Variants in LRRIQ3 observed in about 807,000 individuals in gnomAD.
LRRIQ3 encodes leucine rich repeats and IQ motif containing 3.
In LRRIQ3, 75 loss-of-function variants were observed where a neutral mutation model predicts 59.3. The observed-to-expected ratio is 1.26, with a 90% confidence interval of 1.05 to 1.53. The LOEUF is 1.53. Among genes scored for constraint, LRRIQ3 ranks in the 40% most tolerant of loss-of-function variants. The probability of loss-of-function intolerance (pLI) is 0.00; values close to 1 mark genes in which losing one functional copy is unlikely to be tolerated. For missense variants in LRRIQ3, 831 were observed against 710.0 expected, an observed-to-expected ratio of 1.17 and a Z score of -1.94; for synonymous variants, 250 against 231.3, an observed-to-expected ratio of 1.08 and a Z score of -0.73.
chr1:74,147,709 C>T (rs1647667762), intron 4 of LRRIQ3, among the ~76,000 whole-genome samples: 1 of 152,194 alleles, frequency 6.6e-6, no homozygotes, highest in Non-Finnish European at 1.5e-5. Context: ...CTTGCTGTCT[C>T]TATCATTCTC....
intron 3 of LRRIQ3, among the ~76,000 whole-genome samples, chr1:74,175,161 T>C (rs763119271): frequency 6.6e-6 from 1 of 152,302 alleles, no homozygotes; most frequent in East Asian, 1.9e-4. Flanking sequence ...TGAAGTCAGA[T>C]GAGGCCGATG....
intron 1 of LRRIQ3, among the ~76,000 whole-genome samples, chr1:74,196,869 C>T (rs1381690034): frequency 6.6e-6 from 1 of 152,136 alleles, no homozygotes; most frequent in Non-Finnish European, 1.5e-5. Context: ...TTGCCTCATC[C>T]CCCATTATAA....
At chr1:74,122,532 A>T (rs983515636) in intron 4 of LRRIQ3, among the ~76,000 whole-genome samples, 19 of 152,146 alleles carry the variant, frequency 1.2e-4, no homozygotes, top group African/African-American at 4.6e-4. Context: ...CCGCATATCT[A>T]CAATCATCTA....
chr1:74,100,385 C>T (rs1028809195), intron 5 of LRRIQ3, among the ~76,000 whole-genome samples: 2 of 152,104 alleles, frequency 1.3e-5, no homozygotes, highest in African/African-American at 4.8e-5. Context: ...GAACTACAAA[C>T]CACTGCTCAA....
chr1:74,087,554 C>T (rs1434875085), intron 5 of LRRIQ3, among the ~76,000 whole-genome samples: 1 of 151,038 alleles, frequency 6.6e-6, no homozygotes, highest in Non-Finnish European at 1.5e-5. Context: ...CTTTAATTAT[C>T]CCATTGCATG....
chr1:74,037,739 G>A (rs750501668), intron 7 of LRRIQ3, among the ~76,000 whole-genome samples: 42 of 152,168 alleles, frequency 2.8e-4, no homozygotes, highest in Non-Finnish European at 5.1e-4. Flanking sequence ...GTGTGCTGTG[G>A]TGGCCCACCT....
chr1:74,029,170 T>C (rs1341284750), intron 7 of LRRIQ3, among the ~76,000 whole-genome samples: 1 of 152,098 alleles, frequency 6.6e-6, no homozygotes, highest in Non-Finnish European at 1.5e-5. Flanking sequence ...ACAGGGACAA[T>C]TTGACTTCCT....
At chr1:74,160,494 T>A (rs1648597213) in intron 3 of LRRIQ3, among the ~76,000 whole-genome samples, 1 of 152,080 alleles carries the variant, frequency 6.6e-6, no homozygotes, top group Non-Finnish European at 1.5e-5. Context: ...AGATTCATGG[T>A]GTTTTATCCA....
chr1:74,146,586 G>C (rs1273720433), intron 4 of LRRIQ3, among the ~76,000 whole-genome samples: 1 of 152,102 alleles, frequency 6.6e-6, no homozygotes, highest in Admixed American at 6.5e-5. Context: ...ATTTTATTAA[G>C]AAATAATATT....
intron 5 of LRRIQ3, among the ~76,000 whole-genome samples, chr1:74,092,886 T>G (rs983397023): frequency 3.3e-5 from 5 of 151,946 alleles, no homozygotes; most frequent in African/African-American, 1.2e-4. Context: ...GCAGGAAAGA[T>G]GAGATTAAGA....
At chr1:74,085,281 AGTGCATCCTAT>A (rs1357302334) in intron 5 of LRRIQ3, among the ~76,000 whole-genome samples, 1 of 150,176 alleles carries the variant, frequency 6.7e-6, no homozygotes, top group Non-Finnish European at 1.5e-5. Flanking sequence ...ATATTTTTTG[AGTGCATCCTAT>A]GTGCGTATCA....
At chr1:74,093,369 A>T (rs1181732711) in intron 5 of LRRIQ3, among the ~76,000 whole-genome samples, 1 of 152,112 alleles carries the variant, frequency 6.6e-6, no homozygotes, top group African/African-American at 2.4e-5. Flanking sequence ...TACTATTCCT[A>T]TCAGACTGAT....
At chr1:74,036,837 T>C (rs1205759167) in intron 7 of LRRIQ3, among the ~76,000 whole-genome samples, 1 of 152,134 alleles carries the variant, frequency 6.6e-6, no homozygotes, top group East Asian at 1.9e-4. Context: ...CAGAAAAAAA[T>C]GTGCAGGGCA....
chr1:74,110,100 T>C (rs1646674025), intron 4 of LRRIQ3, among the ~76,000 whole-genome samples: 1 of 151,914 alleles, frequency 6.6e-6, no homozygotes, highest in Non-Finnish European at 1.5e-5. Context: ...TTTAATACTA[T>C]GCTTTATTTA....
At chr1:74,130,947 G>T (rs1456129306) in intron 4 of LRRIQ3, among the ~76,000 whole-genome samples, 2 of 152,012 alleles carry the variant, frequency 1.3e-5, no homozygotes, top group African/African-American at 2.4e-5. Context: ...CCTGGAGCTG[G>T]TTTTTTGAAA....
chr1:74,030,819 C>G (rs1017102730), intron 7 of LRRIQ3, among the ~76,000 whole-genome samples: 1 of 152,156 alleles, frequency 6.6e-6, no homozygotes, highest in East Asian at 1.9e-4. Flanking sequence ...TCAGAATGAA[C>G]AGACAACCTA....
At chr1:74,164,040 C>T (rs371776837) in intron 3 of LRRIQ3, among the ~76,000 whole-genome samples, 1 of 150,788 alleles carries the variant, frequency 6.6e-6, no homozygotes, top group African/African-American at 2.4e-5. Flanking sequence ...CTGTATATAC[C>T]CTTTGGTGAA....
In LRRIQ3 at chr1:74,048,654, C is replaced by T. The variant is rs533614492; in HGVS notation, c.998-6721G>A. On this transcript the variant is annotated intron_variant, in intron 6 of 7. Transcript: ENST00000354431. Reference sequence around the variant, plus strand: ...ACAAATATAAAAGTTATTATTCAAACTTTCTTTAGTTCTTAACTTTTTATG... The same window carrying T: ...ACAAATATAAAAGTTATTATTCAAATTTTCTTTAGTTCTTAACTTTTTATG... Among the ~76,000 whole-genome samples the T allele has an allele frequency of 2.8e-5, 4 of 145,350 alleles. No individual in the cohort carries two copies. The South Asian group carries it at 6.9e-4, about 25-fold the overall frequency.
intron 3 of LRRIQ3, among the ~76,000 whole-genome samples, chr1:74,172,676 A>G (rs1412886078): frequency 6.6e-6 from 1 of 152,064 alleles, no homozygotes; most frequent in Non-Finnish European, 1.5e-5. Flanking sequence ...TGGGGTATTG[A>G]AGTTTTGTAT....
Sources: gnomAD v4.1 joint callset for allele counts (sites outside exome capture counted in the v4.1 genomes callset) on GRCh38, gnomAD v4.1.1 for gene constraint, MANE v1.5 for transcripts, NCBI Gene and HGNC (gene_info 2026-07-23, HGNC 2026-07-21) for gene names.